CHMP3: variants seen among roughly 807,000 people sequenced by gnomAD.
CHMP3 encodes charged multivesicular body protein 3, also known as 25.1 protein.
Under a neutral mutation model 27.4 loss-of-function variants are expected in CHMP3, and 8 were observed. The ratio of observed to expected loss-of-function variants is 0.29; its 90% CI spans 0.17 to 0.53. CHMP3 has a LOEUF of 0.53. Ranked by LOEUF, CHMP3 falls within the 20% of genes least tolerant of loss-of-function variation. The pLI is 0.96. For missense variants in CHMP3, 208 were observed against 271.5 expected (o/e 0.77, Z 1.64); for synonymous variants, 86 against 85.5 (o/e 1.01, Z -0.03).
At chr2:86,525,153 A>C (rs539479016) in intron 3 of CHMP3, among the ~76,000 whole-genome samples, 16,919 of 152,220 alleles carry the variant, frequency 0.11, 1,137 homozygotes, top group Non-Finnish European at 0.16. Flanking sequence ...AAATGTTAGC[A>C]GTTCCCCTGT....
chr2:86,550,195 G>A (rs188459393), intron 1 of CHMP3, among the ~76,000 whole-genome samples: 160 of 152,300 alleles, frequency 1.1e-3, no homozygotes, highest in Non-Finnish European at 1.9e-3. Context: ...GGTCAACAGG[G>A]CAAAACCCCG....
At chr2:86,523,495 T>C (rs1052846950) in intron 3 of CHMP3, among the ~76,000 whole-genome samples, 4 of 152,224 alleles carry the variant, frequency 2.6e-5, no homozygotes, top group Non-Finnish European at 5.9e-5. Context: ...GCGCCTGTAA[T>C]ATTCACGATT....
intron 4 of CHMP3, 53 bp downstream of exon 4, chr2:86,510,305 G>A (rs992010254): frequency 7.3e-7 from 1 of 1,368,882 alleles, no homozygotes; most frequent in African/African-American, 1.5e-5. Flanking sequence ...CCTGTTACTT[G>A]TTTAGAGTGA....
Position 86,534,710 on chromosome 2 carries a change from TA to T in CHMP3, c.107-5314del, listed in dbSNP as rs559087370. ...CTGTATTTAATCTTTAATTAATATA[TA>T]ATGTCCTTTGTCTCATATAATCTTT... On this transcript the variant is annotated intron_variant, in intron 2 of 5. Coordinates refer to ENST00000263856, the MANE Select transcript of CHMP3 (RefSeq NM_016079.4). Among the ~76,000 whole-genome samples, 237 of 152,336 alleles carry T rather than the reference TA, an allele frequency of 1.6e-3. 3 individuals carry two copies. The highest frequency in any genetic ancestry group is 2.7e-3 in the East Asian group (14 of 5,186).
intron 1 of CHMP3, among the ~76,000 whole-genome samples, chr2:86,548,915 C>T (rs1676735813): frequency 6.7e-6 from 1 of 150,240 alleles, no homozygotes; most frequent in African/African-American, 2.4e-5. Flanking sequence ...CTCCCCACCT[C>T]CCAGATGATG....
At chr2:86,526,956 T>C (rs920623822) in intron 3 of CHMP3, 6 of 152,130 alleles carry the variant, frequency 3.9e-5, no homozygotes, top group Admixed American at 3.9e-4. Context: ...ATACCATTCA[T>C]AAAAATTTTA....
intron 1 of CHMP3, among the ~76,000 whole-genome samples, chr2:86,551,699 C>T (rs1348766995): frequency 6.6e-6 from 1 of 152,220 alleles, no homozygotes; most frequent in Non-Finnish European, 1.5e-5. Flanking sequence ...TGTAACTGAG[C>T]TTCCCTCTTT....
chr2:86,552,390 C>T (rs966922674), intron 1 of CHMP3, among the ~76,000 whole-genome samples: 9 of 152,086 alleles, frequency 5.9e-5, no homozygotes, highest in African/African-American at 2.2e-4. Flanking sequence ...TAATAAGGGA[C>T]AGATCTTTAT....
intron 1 of CHMP3, among the ~76,000 whole-genome samples, chr2:86,554,304 TTTTC>T (rs1558662610): frequency 3.3e-5 from 5 of 152,216 alleles, no homozygotes; most frequent in Non-Finnish European, 5.9e-5. Context: ...TTACTTCTAC[TTTTC>T]TAAAAATTTA....
In CHMP3 at chr2:86,507,502, C is replaced by A. The variant is rs578080094; in HGVS notation, c.500G>T (p.Arg167Ile). 6.2e-7 allele frequency: 1 copy of A among 1,614,156 alleles called. No homozygotes were observed. Among genetic ancestry groups the A allele is most frequent in the South Asian group, 1.1e-5 (1 of 91,072 alleles). Residue 167 changes from arginine (R) to isoleucine (I), a missense_variant, in exon 5 of 6, where the codon AGA becomes ATA. Transcript: ENST00000263856. The part of the protein sequence containing the change: ...MEEEAEMEID[R>I]ILFEITAGAL... Reference sequence around the variant, plus strand: ...ACCTGCTGTAATTTCAAAGAGAATTCTGTCAATTTCCATTTCTGCTTCTTC... The same window carrying A: ...ACCTGCTGTAATTTCAAAGAGAATTATGTCAATTTCCATTTCTGCTTCTTC...
At chr2:86,540,395 T>C (rs1482638418) in intron 2 of CHMP3, among the ~76,000 whole-genome samples, 6 of 152,260 alleles carry the variant, frequency 3.9e-5, no homozygotes, top group Middle Eastern at 3.4e-3. Flanking sequence ...ATAATTTGTA[T>C]TACAGGTTGA....
At chr2:86,513,118 G>A (rs1488959352) in intron 3 of CHMP3, among the ~76,000 whole-genome samples, 1 of 152,184 alleles carries the variant, frequency 6.6e-6, no homozygotes, top group African/African-American at 2.4e-5. Context: ...ATGTCTTTCA[G>A]CAGGTGTACG....
intron 3 of CHMP3, among the ~76,000 whole-genome samples, chr2:86,517,633 A>G (rs1426099922): frequency 2.0e-5 from 3 of 152,194 alleles, no homozygotes; most frequent in African/African-American, 7.2e-5. Flanking sequence ...AATATTCTGA[A>G]AAGAATCTGG....
At chr2:86,507,326 G>A (rs1050197173) in intron 5 of CHMP3, 153 bp downstream of exon 5, 2 of 636,236 alleles carry the variant, frequency 3.1e-6, no homozygotes, top group Non-Finnish European at 5.5e-6. Context: ...TATAGATATT[G>A]TGCTTACTTT....
intron 1 of CHMP3, among the ~76,000 whole-genome samples, chr2:86,555,128 A>G (rs1331166194): frequency 1.3e-5 from 2 of 152,128 alleles, no homozygotes; most frequent in African/African-American, 4.8e-5. Flanking sequence ...GATTACAGGC[A>G]TGAGCCACCG....
At chr2:86,555,418 A>G (rs1677081262) in intron 1 of CHMP3, among the ~76,000 whole-genome samples, 2 of 151,876 alleles carry the variant, frequency 1.3e-5, no homozygotes, top group African/African-American at 4.8e-5. Context: ...ATGAGAATCA[A>G]CTGAACCCAG....
intron 1 of CHMP3, among the ~76,000 whole-genome samples, chr2:86,549,789 G>A (rs1257028664): frequency 3.3e-5 from 5 of 150,868 alleles, no homozygotes; most frequent in East Asian, 4.0e-4. Flanking sequence ...CAGACGGGGC[G>A]GCCGGGCAGA....
rs35255775 is a variant in CHMP3, at chr2:86,519,365, C to CAA, written c.287-8888_287-8887dup. ...GGGCAACAAGAGCAAAACTTCATCT[C>CAA]AAAAAAAAAAAAAAAAGCAAAGGAA... On this transcript the variant is annotated intron_variant, in intron 3 of 5. Transcript: ENST00000263856. 9.9e-3 allele frequency among the ~76,000 whole-genome samples: 1,104 copies of CAA among 111,004 alleles called. 49 individuals are homozygous for CAA. The highest frequency in any genetic ancestry group is 0.082 in the Admixed American group (880 of 10,724). 72.8% of individuals were successfully genotyped at this position (111,004 alleles called of 152,430 possible). A position where few individuals can be genotyped will look rare whatever the true frequency, so the allele number is the denominator to read the frequency against.
intron 2 of CHMP3, among the ~76,000 whole-genome samples, chr2:86,539,536 A>G (rs1676279091): frequency 1.3e-5 from 2 of 152,156 alleles, no homozygotes. Flanking sequence ...TCATCATTTA[A>G]AAGGAAAAAT....
Sources: allele counts gnomAD v4.1 joint callset (sites outside exome capture counted in the v4.1 genomes callset), GRCh38; gene constraint gnomAD v4.1.1; transcripts MANE v1.5; gene names NCBI Gene and HGNC (gene_info 2026-07-23, HGNC 2026-07-21).